ANKFN1: variants seen among roughly 807,000 people sequenced by gnomAD.
ANKFN1 encodes the protein ankyrin repeat and fibronectin type III domain containing 1, also known as ankyrin repeat and fibronectin type-III domain-containing protein 1.
ANKFN1 carries 74 observed loss-of-function variants against 108.7 expected under a neutral mutation model. The observed-to-expected ratio is 0.68, with a 90% CI of 0.56 to 0.83. The LOEUF (loss-of-function observed/expected upper bound fraction) is 0.83. Ranked by LOEUF, ANKFN1 falls within the 40% of genes least tolerant of loss-of-function variation. ANKFN1 has a pLI of 0.00. For synonymous variants in ANKFN1, 547 were observed against 516.2 expected (o/e 1.06, Z -0.81); for missense variants, 1,505 against 1,382.3 (o/e 1.09, Z -1.41).
intron 4 of ANKFN1, among the ~76,000 whole-genome samples, chr17:56,129,716 C>T (rs1030687486): frequency 2.0e-5 from 3 of 152,078 alleles, no homozygotes; most frequent in African/African-American, 7.2e-5. Flanking sequence ...GTTTTTAGGT[C>T]TGTGAATAGC....
chr17:56,472,616 A>T (rs557351058), intron 15 of ANKFN1: 16 of 152,362 alleles, frequency 1.1e-4, no homozygotes, highest in African/African-American at 3.6e-4. Context: ...CTACAGAAAA[A>T]AACAAATGAA....
At chr17:56,296,971 C>T (rs1412982263) in intron 3 of ANKFN1, among the ~76,000 whole-genome samples, 1 of 152,200 alleles carries the variant, frequency 6.6e-6, no homozygotes, top group African/African-American at 2.4e-5. Flanking sequence ...TGGGTTCACC[C>T]ATGGTGAATA....
At chr17:56,325,387 T>A (rs1290276931) in intron 3 of ANKFN1, among the ~76,000 whole-genome samples, 2 of 152,138 alleles carry the variant, frequency 1.3e-5, no homozygotes, top group Non-Finnish European at 2.9e-5. Flanking sequence ...TTTATTTCAG[T>A]GAGAGCCATT....
chr17:56,335,985 G>A (rs953405854), intron 4 of ANKFN1, among the ~76,000 whole-genome samples: 4 of 152,178 alleles, frequency 2.6e-5, no homozygotes, highest in Admixed American at 6.5e-5. Context: ...TGTGGTTTTT[G>A]TCGTTGGTTC....
chr17:56,480,920 T>TGG, intron 17 of ANKFN1, 102 bp downstream of exon 17: 2 of 630,706 alleles, frequency 3.2e-6, no homozygotes, highest in South Asian at 5.7e-5. Flanking sequence ...TGTGTGTGTG[T>TGG]GTAAATTTTC....
intron 3 of ANKFN1, among the ~76,000 whole-genome samples, chr17:56,312,516 C>A (rs1173248752): frequency 1.3e-5 from 2 of 152,192 alleles, no homozygotes; most frequent in African/African-American, 4.8e-5. Flanking sequence ...CGGAGCCTCT[C>A]TCCTAATCCC....
chr17:56,093,691 A>G (rs1382038466), intron 4 of ANKFN1, among the ~76,000 whole-genome samples: 1 of 151,422 alleles, frequency 6.6e-6, no homozygotes, highest in Non-Finnish European at 1.5e-5. Flanking sequence ...GTAAATGTCA[A>G]GCCCCAAGGT....
At chr17:56,493,686 G>C (rs181534122) in intron 19 of ANKFN1, among the ~76,000 whole-genome samples, 4 of 152,214 alleles carry the variant, frequency 2.6e-5, no homozygotes, top group Admixed American at 1.3e-4. Flanking sequence ...GTTTAGGATA[G>C]ATTCAAGCAG....
chr17:56,306,502 T>G (rs1271180937), intron 3 of ANKFN1, among the ~76,000 whole-genome samples: 3 of 152,146 alleles, frequency 2.0e-5, no homozygotes, highest in Non-Finnish European at 4.4e-5. Flanking sequence ...ATAAAATACC[T>G]AGGAATACAA....
chr17:56,222,318 C>G (rs1234697377), intron 2 of ANKFN1, among the ~76,000 whole-genome samples: 1 of 152,202 alleles, frequency 6.6e-6, no homozygotes, highest in African/African-American at 2.4e-5. Context: ...TGCAGACCCA[C>G]TACTAGTTAG....
chr17:56,236,245 G>T (rs932322658), intron 3 of ANKFN1, among the ~76,000 whole-genome samples: 2 of 151,978 alleles, frequency 1.3e-5, no homozygotes, highest in Admixed American at 1.3e-4. Flanking sequence ...TTTTAGTAGA[G>T]ACGTGGTTTC....
intron 8 of ANKFN1, among the ~76,000 whole-genome samples, chr17:56,383,398 G>A (rs1400273932): frequency 6.6e-6 from 1 of 151,868 alleles, no homozygotes; most frequent in Admixed American, 6.6e-5. Flanking sequence ...AAATTGACAC[G>A]CTAATATCAC....
At chr17:56,364,020 C>T (rs910290630) in intron 6 of ANKFN1, among the ~76,000 whole-genome samples, 4 of 151,996 alleles carry the variant, frequency 2.6e-5, no homozygotes, top group African/African-American at 9.7e-5. Context: ...TGCACTGTGT[C>T]ATGAAGATAG....
At chr17:56,340,898 A>G (rs1249306123) in intron 4 of ANKFN1, among the ~76,000 whole-genome samples, 1 of 152,118 alleles carries the variant, frequency 6.6e-6, no homozygotes, top group African/African-American at 2.4e-5. Flanking sequence ...TTTGGGCAGT[A>G]TGGCCATTTT....
chr17:56,398,715 A>C (rs1338338221), intron 8 of ANKFN1, among the ~76,000 whole-genome samples: 2 of 152,200 alleles, frequency 1.3e-5, no homozygotes, highest in Admixed American at 1.3e-4. Flanking sequence ...GCAAAGACAC[A>C]GAACCAAGAG....
chr17:56,460,010 C>T (rs73991540), intron 14 of ANKFN1, among the ~76,000 whole-genome samples: 4,660 of 151,536 alleles, frequency 0.031, 203 homozygotes, highest in African/African-American at 0.1. Context: ...AAAAATCCCA[C>T]GCCTGGATGA....
chr17:56,247,535 G>A (rs1266008803), intron 3 of ANKFN1, among the ~76,000 whole-genome samples: 1 of 152,092 alleles, frequency 6.6e-6, no homozygotes, highest in East Asian at 1.9e-4. Flanking sequence ...TAGGTGCCAG[G>A]CATTAAAATG....
At chr17:56,441,950 T>G (rs2049121330) in intron 9 of ANKFN1, among the ~76,000 whole-genome samples, 1 of 152,026 alleles carries the variant, frequency 6.6e-6, no homozygotes, top group Non-Finnish European at 1.5e-5. Flanking sequence ...TTACAAGCAA[T>G]GTTTCATCAA....
At chr17:56,298,373 T>G (rs1048120654) in intron 3 of ANKFN1, among the ~76,000 whole-genome samples, 9 of 152,224 alleles carry the variant, frequency 5.9e-5, no homozygotes, top group Non-Finnish European at 1.2e-4. Flanking sequence ...GATAAAAAAG[T>G]CAAAATAATA....
Sources: gnomAD v4.1 joint callset for allele counts (sites outside exome capture counted in the v4.1 genomes callset) on GRCh38, gnomAD v4.1.1 for gene constraint, MANE v1.5 for transcripts, NCBI Gene and HGNC (gene_info 2026-07-23, HGNC 2026-07-21) for gene names.